SHANK2: variants seen among roughly 807,000 people sequenced by gnomAD.
The protein encoded by SHANK2 is SH3 and multiple ankyrin repeat domains 2, also known as SH3 and multiple ankyrin repeat domains protein 2.
In SHANK2, 43 loss-of-function variants were observed where a neutral mutation model predicts 133.7. That is an observed-to-expected ratio of 0.32 (90% CI 0.25 to 0.41). SHANK2 has a LOEUF of 0.41. SHANK2 is among the 10% of genes least tolerant of loss of function. SHANK2 has a pLI of 1.00. For synonymous variants in SHANK2, 1,017 were observed against 952.8 expected (o/e 1.07, Z -1.24); for missense variants, 1,994 against 2,235.8 (o/e 0.89, Z 2.18).
intron 14 of SHANK2, among the ~76,000 whole-genome samples, chr11:70,787,644 C>T (rs1201020491): frequency 6.6e-6 from 1 of 151,854 alleles, no homozygotes; most frequent in Non-Finnish European, 1.5e-5. Flanking sequence ...ACCATGACCG[C>T]CACCAACACC....
intron 15 of SHANK2, among the ~76,000 whole-genome samples, chr11:70,685,710 G>A (rs1945132167): frequency 6.6e-6 from 1 of 152,128 alleles, no homozygotes; most frequent in Non-Finnish European, 1.5e-5. Context: ...AGGACAGGGG[G>A]CAGTCTCAAC....
intron 13 of SHANK2, among the ~76,000 whole-genome samples, chr11:70,806,452 C>A (rs1948161549): frequency 6.6e-6 from 1 of 152,268 alleles, no homozygotes; most frequent in African/African-American, 2.4e-5. Context: ...CCATCACTGG[C>A]TCCCCAATAC....
chr11:70,779,122 A>G (rs1229925903), intron 14 of SHANK2, among the ~76,000 whole-genome samples: 1 of 152,004 alleles, frequency 6.6e-6, no homozygotes, highest in African/African-American at 2.4e-5. Context: ...GAAATAACAC[A>G]CAGACCTGGC....
chr11:70,941,936 G>A (rs1316239429), intron 10 of SHANK2, among the ~76,000 whole-genome samples: 1 of 151,998 alleles, frequency 6.6e-6, no homozygotes, highest in African/African-American at 2.4e-5. Context: ...ACTCATTCCT[G>A]TAATCCCAGC....
intron 2 of SHANK2, among the ~76,000 whole-genome samples, chr11:71,222,259 A>G (rs1280307374): frequency 6.6e-6 from 1 of 152,062 alleles, no homozygotes; most frequent in Non-Finnish European, 1.5e-5. Flanking sequence ...GAAAAACAAA[A>G]CTAAAACAAA....
rs782764047 is a variant in SHANK2, at chr11:70,500,753, T to C, written c.2288-163A>G. The stretch of plus-strand genomic sequence containing the variant: ...AACGCTGCGAACGCAGGCTGCGCTA[T>C]CCATGGAGTGGCTTTCCCCAAACCT... On this transcript the variant is annotated intron_variant, in intron 20 of 25. Coordinates refer to ENST00000601538, the MANE Select transcript of SHANK2 (RefSeq NM_012309.5). The surrounding 1 kb of genome is among the most constrained non-coding windows in gnomAD (Gnocchi z 4.5). 2.2e-6 allele frequency: 2 copies of C among 924,908 alleles called. No homozygotes were observed. Among genetic ancestry groups the C allele is most frequent in the Non-Finnish European group, 3.5e-6 (2 of 574,766 alleles). 57.3% of individuals were successfully genotyped at this position (924,908 alleles called of 1,614,324 possible). A position where few individuals can be genotyped will look rare whatever the true frequency, so the allele number is the denominator to read the frequency against.
chr11:70,837,990 AAAAAAAAAAAAG>A (rs1276815308), intron 11 of SHANK2, among the ~76,000 whole-genome samples: 1 of 150,582 alleles, frequency 6.6e-6, no homozygotes, highest in Non-Finnish European at 1.5e-5. Context: ...AAAAAAAAAA[AAAAAAAAAAAAG>A]AAAAAAAAAA....
Position 71,106,763 on chromosome 11 carries a change from G to T in SHANK2, c.592+3178C>A, listed in dbSNP as rs144437305. Among the ~76,000 whole-genome samples the T allele has an allele frequency of 3.5e-3, 527 of 152,104 alleles. 3 individuals are homozygous for T. Among genetic ancestry groups the T allele is most frequent in the African/African-American group, 0.012 (496 of 41,476 alleles). The stretch of plus-strand genomic sequence containing the variant: ...GAGTTCAGGAGGTCAAGGCTGCAGT[G>T]AGCTGTGATCCTGCCAGCCTGGGTG... On this transcript the variant is annotated intron_variant, in intron 6 of 25. Coordinates refer to ENST00000601538, the MANE Select transcript of SHANK2 (RefSeq NM_012309.5).
intron 17 of SHANK2, among the ~76,000 whole-genome samples, chr11:70,637,431 T>G (rs1591685396): frequency 6.6e-6 from 1 of 151,120 alleles, no homozygotes; most frequent in South Asian, 2.1e-4. Context: ...CTGGGCTGGG[T>G]GTTTACTCCC....
intron 2 of SHANK2, among the ~76,000 whole-genome samples, chr11:71,167,397 G>T (rs370738157): frequency 0.2 from 28,350 of 140,862 alleles, 910 homozygotes; most frequent in African/African-American, 0.27. Flanking sequence ...GGACAGGGCG[G>T]CTGGCCGGGC....
Position 70,486,078 on chromosome 11 carries a change from A to G in SHANK2, c.4215T>C (p.Phe1405=), listed in dbSNP as rs781994353. ...PLASVDLDED[F]IFTEPLPPPL... is the part of the protein sequence containing the mutation. ...GAGGAGGCAATGGCTCTGTAAAAAT[A>G]AAATCCTCATCCAAGTCCACGGATG... Residue 1405 remains phenylalanine (F), a synonymous_variant, in exon 25 of 26, where the codon TTT becomes TTC. Coordinates refer to ENST00000601538, the MANE Select transcript of SHANK2 (RefSeq NM_012309.5). This position sits in a 1 kb window ranked among gnomAD's most constrained non-coding sequence, Gnocchi z 8.0. 1.9e-6 allele frequency: 3 copies of G among 1,613,974 alleles called. No individual in the cohort carries two copies. In the East Asian group the frequency reaches 6.7e-5, roughly 36 times the overall value.
chr11:70,709,333 C>G (rs181264719), intron 14 of SHANK2, among the ~76,000 whole-genome samples: 4 of 152,360 alleles, frequency 2.6e-5, no homozygotes, highest in East Asian at 1.9e-4. Flanking sequence ...CACATGAACA[C>G]GGGCCCAGGA....
At chr11:70,661,977 C>G in intron 15 of SHANK2, 1 of 653,356 alleles carries the variant, frequency 1.5e-6, no homozygotes, top group South Asian at 1.8e-5. Context: ...GATGGCTGAG[C>G]TGGAGGCTCA....
At chr11:70,826,949 C>A (rs79597341) in intron 11 of SHANK2, among the ~76,000 whole-genome samples, 1 of 152,240 alleles carries the variant, frequency 6.6e-6, no homozygotes, top group Non-Finnish European at 1.5e-5. Flanking sequence ...GCGCTCCATG[C>A]GCCTGTGCCT....
intron 10 of SHANK2, among the ~76,000 whole-genome samples, chr11:70,949,781 C>T (rs1483706621): frequency 6.6e-6 from 1 of 152,348 alleles, no homozygotes; most frequent in Middle Eastern, 3.4e-3. Context: ...CAAGGTTGGC[C>T]TGTTCCTACG....
At chr11:71,095,542 A>T (rs184021177) in intron 6 of SHANK2, among the ~76,000 whole-genome samples, 1 of 152,160 alleles carries the variant, frequency 6.6e-6, no homozygotes, top group African/African-American at 2.4e-5. Flanking sequence ...ATGACCCAGA[A>T]ACACCAACAA....
At chr11:71,088,976 C>G (rs1278811162) in intron 8 of SHANK2, among the ~76,000 whole-genome samples, 1 of 150,928 alleles carries the variant, frequency 6.6e-6, no homozygotes, top group African/African-American at 2.4e-5. Context: ...CAGGGGCCTC[C>G]CCTCATCCTG....
At chr11:70,842,240 CGAT>C (rs2135434124) in intron 11 of SHANK2, among the ~76,000 whole-genome samples, 1 of 152,242 alleles carries the variant, frequency 6.6e-6, no homozygotes, top group African/African-American at 2.4e-5. Flanking sequence ...TAAAATTTGA[CGAT>C]GGTTTTGCCT....
chr11:71,214,283 C>T (rs897905409), intron 2 of SHANK2, among the ~76,000 whole-genome samples: 8 of 152,182 alleles, frequency 5.3e-5, no homozygotes, highest in Admixed American at 3.3e-4. Flanking sequence ...GTTAAAATCC[C>T]GCAGCACAAA....
Sources: gnomAD v4.1 joint callset for allele counts (sites outside exome capture counted in the v4.1 genomes callset) on GRCh38, gnomAD v4.1.1 for gene constraint, Gnocchi (gnomAD v3.1) non-coding constraint, MANE v1.5 for transcripts, NCBI Gene and HGNC (gene_info 2026-07-23, HGNC 2026-07-21) for gene names.